Variants in ZNF93 observed in about 807,000 individuals in gnomAD.
ZNF93 encodes zinc finger protein 93, also known as zinc finger protein 505.
A neutral mutation model predicts 45.0 loss-of-function variants in ZNF93; 29 were observed. The ratio of observed to expected loss-of-function variants is 0.64; its 90% CI spans 0.48 to 0.88. The LOEUF (loss-of-function observed/expected upper bound fraction) is 0.88. ZNF93 is among the 40% of genes least tolerant of loss of function. The pLI is 0.00. For synonymous variants in ZNF93, 223 were observed against 244.6 expected, an observed-to-expected ratio of 0.91 and a Z score of 0.82; for missense variants, 578 against 724.0, an observed-to-expected ratio of 0.80 and a Z score of 2.31.
At chr19:19,926,412 G>T (rs969693183) in intron 3 of ZNF93, among the ~76,000 whole-genome samples, 3 of 140,504 alleles carry the variant, frequency 2.1e-5, no homozygotes, top group Non-Finnish European at 4.6e-5. Context: ...CATCAATGTT[G>T]CATACTAGAT....
chr19:19,927,619 A>G (rs188830101), intron 3 of ZNF93, among the ~76,000 whole-genome samples: 190 of 152,342 alleles, frequency 1.2e-3, no homozygotes, highest in African/African-American at 4.4e-3. Context: ...AATATTCACA[A>G]GGTTCATCTA....
chr19:19,913,682 GCTTTTTCTGT>G (rs1360952331), intron 1 of ZNF93, among the ~76,000 whole-genome samples: 5 of 151,896 alleles, frequency 3.3e-5, no homozygotes, highest in African/African-American at 4.8e-5. Flanking sequence ...GAAATGGGTG[GCTTTTTCTGT>G]CTTTTTCTGC....
chr19:19,930,811 A>AT (rs1437508052), intron 3 of ZNF93, among the ~76,000 whole-genome samples: 3 of 152,184 alleles, frequency 2.0e-5, no homozygotes, highest in Admixed American at 2.0e-4. Context: ...TCTAAGATCT[A>AT]TATCTGGTAT....
At chr19:19,932,106 C>G (rs1460387385) in intron 3 of ZNF93, 1 of 234,670 alleles carries the variant, frequency 4.3e-6, no homozygotes, top group Non-Finnish European at 8.6e-6. Context: ...AATCCCATCT[C>G]TACTAAAATA....
chr19:19,914,682 TTTTTCTATATAG>T (rs1277457487), intron 1 of ZNF93: 2 of 239,630 alleles, frequency 8.3e-6, no homozygotes, highest in Non-Finnish European at 1.6e-5. Context: ...TTTTTCTTTT[TTTTTCTATATAG>T]TTTTCTATGG....
At chr19:19,909,249 A>G (rs2063301242) in intron 1 of ZNF93, 1 of 152,290 alleles carries the variant, frequency 6.6e-6, no homozygotes, top group East Asian at 1.9e-4. Flanking sequence ...GTAGCGGTAA[A>G]GAGAGGACAC....
intron 1 of ZNF93, among the ~76,000 whole-genome samples, chr19:19,901,490 T>C (rs2063270884): frequency 6.6e-6 from 1 of 152,154 alleles, no homozygotes; most frequent in South Asian, 2.1e-4. Context: ...TAAAAATTTA[T>C]GGGGCTGGGC....
intron 3 of ZNF93, among the ~76,000 whole-genome samples, chr19:19,920,665 A>T (rs974940866): frequency 6.6e-6 from 1 of 152,168 alleles, no homozygotes; most frequent in African/African-American, 2.4e-5. Context: ...TTCCTGGTTT[A>T]GTCTTGGGAG....
intron 1 of ZNF93, chr19:19,914,799 G>T: frequency 2.7e-6 from 1 of 373,516 alleles, no homozygotes; most frequent in East Asian, 1.0e-4. Flanking sequence ...TATCCTTCTC[G>T]GGCCAAAAAC....
In ZNF93 at chr19:19,932,491, A is replaced by G. The variant is rs916650256; in HGVS notation, c.227-691A>G. On this transcript the variant is annotated intron_variant, in intron 3 of 3. Coordinates refer to ENST00000343769, the MANE Select transcript of ZNF93 (RefSeq NM_031218.4). ...GGGTCACTTTATTTTGCATAATGTC[A>G]TCAATATTTATCTTAATAGTTGTTA... 3 of 152,152 alleles carry G rather than the reference A, an allele frequency of 2.0e-5. No individual in the cohort carries two copies. In the South Asian group the frequency reaches 6.2e-4, roughly 31 times the overall value. The allele number at this position is 152,152 out of a possible 1,614,324, so 9.4% of individuals were successfully genotyped here.
intron 3 of ZNF93, among the ~76,000 whole-genome samples, chr19:19,920,533 C>A (rs146431269): frequency 1.0e-3 from 153 of 152,300 alleles, no homozygotes; most frequent in Non-Finnish European, 2.0e-3. Context: ...GTACCGGCTC[C>A]TCCTTGTACC....
chr19:19,933,387 A>G lies in ZNF93; in HGVS notation c.432A>G (p.Val144=). The change falls in exon 4 of 4, where the codon GTA becomes GTG. Residue 144 remains valine, a synonymous_variant. Transcript: ENST00000343769. ...GTAGTACAACTACCCAGAGCAAAGT[A>G]TTTCAATGTGATAAATATGGGAAAG... ...NQCSTTTQSK[V]FQCDKYGKVF... 1 of 1,600,276 alleles carries G rather than the reference A, an allele frequency of 6.2e-7. No individual in the cohort carries two copies. The highest frequency in any genetic ancestry group is 8.5e-7 in the Non-Finnish European group (1 of 1,175,278).
Position 19,935,194 on chromosome 19 carries a change from A to C in ZNF93, c.*376A>C. On this transcript the variant is annotated 3_prime_UTR_variant, in exon 4 of 4. Transcript: ENST00000343769. ...CATATGCAGACCTGACTGCCAAAACATGCCCTAGTGTCTGCCGTACAGAGT... is the reference window on the plus strand; with the variant it reads ...CATATGCAGACCTGACTGCCAAAACCTGCCCTAGTGTCTGCCGTACAGAGT... 9.4e-6 allele frequency: 2 copies of C among 212,862 alleles called. No homozygotes were observed. The highest frequency in any genetic ancestry group is 9.4e-6 in the Non-Finnish European group (1 of 106,528). 13.2% of individuals were successfully genotyped at this position (212,862 alleles called of 1,614,324 possible).
chr19:19,918,354 T>C (rs1270179020), intron 3 of ZNF93, among the ~76,000 whole-genome samples: 2 of 152,170 alleles, frequency 1.3e-5, no homozygotes, highest in Non-Finnish European at 2.9e-5. Flanking sequence ...TCTATCATTG[T>C]TGTACATTTG....
At chr19:19,901,657 ATTCTCCTT>A (rs2122155894) in intron 1 of ZNF93, among the ~76,000 whole-genome samples, 2 of 151,986 alleles carry the variant, frequency 1.3e-5, no homozygotes, top group Non-Finnish European at 2.9e-5. Context: ...CTTTTTCCCC[ATTCTCCTT>A]TTCTCAAAAC....
At chr19:19,904,888 C>T (rs968769261) in intron 1 of ZNF93, among the ~76,000 whole-genome samples, 3 of 151,470 alleles carry the variant, frequency 2.0e-5, no homozygotes, top group African/African-American at 7.3e-5. Flanking sequence ...AAAACACACA[C>T]ACTAGACATT....
intron 3 of ZNF93, among the ~76,000 whole-genome samples, chr19:19,917,489 GTTTCT>G (rs1457209177): frequency 6.6e-6 from 1 of 151,390 alleles, no homozygotes; most frequent in Non-Finnish European, 1.5e-5. Context: ...TTGTCAAATA[GTTTCT>G]TTTAAGTGCA....
Position 19,920,152 on chromosome 19 carries a change from T to C in ZNF93, c.226+3497T>C, listed in dbSNP as rs2063338839. Among the ~76,000 whole-genome samples the C allele has an allele frequency of 2.6e-5, 4 of 152,198 alleles. 1 individual carries two copies. In the South Asian group the frequency reaches 8.3e-4, roughly 32 times the overall value. ...CAATACCTAATTTATTGAGAGTTTT[T>C]AGCATGAAGGGCTGTTGAATTTTGT... On this transcript the variant is annotated intron_variant, in intron 3 of 3. Transcript: ENST00000343769.
In ZNF93 at chr19:19,934,854, C is replaced by T. The variant is rs776455531; in HGVS notation, c.*36C>T. 1.1e-5 allele frequency: 18 copies of T among 1,568,842 alleles called. No individual in the cohort carries two copies. Among genetic ancestry groups the T allele is most frequent in the Non-Finnish European group, 1.3e-5 (15 of 1,157,980 alleles). ...AATGTGGCAAAGCCTTCAAGTGGTC[C>T]TCACACCTTACTATACACTGAGAGT... On this transcript the variant is annotated 3_prime_UTR_variant, in exon 4 of 4. Transcript: ENST00000343769.
Sources: allele counts gnomAD v4.1 joint callset (sites outside exome capture counted in the v4.1 genomes callset), GRCh38; gene constraint gnomAD v4.1.1; transcripts MANE v1.5; gene names NCBI Gene and HGNC (gene_info 2026-07-23, HGNC 2026-07-21).